Variants in MGAT4C observed in about 807,000 individuals in gnomAD.
MGAT4C encodes alpha-1,3-mannosyl-glycoprotein 4-beta-N-acetylglucosaminyltransferase C.
MGAT4C carries 19 observed loss-of-function variants against 40.1 expected under a neutral mutation model. The observed-to-expected ratio is 0.47, with a 90% CI of 0.33 to 0.70. MGAT4C has a LOEUF of 0.70. Among genes scored for constraint, MGAT4C ranks in the 30% least tolerant of loss-of-function variants. MGAT4C has a pLI of 0.02. For synonymous variants in MGAT4C, 181 were observed against 187.1 expected (o/e 0.97, Z 0.27); for missense variants, 491 against 563.2 (o/e 0.87, Z 1.30).
At chr12:86,571,066 C>T (rs1428345190) in intron 2 of MGAT4C, among the ~76,000 whole-genome samples, 2 of 152,206 alleles carry the variant, frequency 1.3e-5, no homozygotes, top group African/African-American at 2.4e-5. Context: ...CCACCCACCT[C>T]GGCTTCCCAA....
At chr12:86,754,249 T>C (rs955004499) in intron 1 of MGAT4C, among the ~76,000 whole-genome samples, 1 of 152,124 alleles carries the variant, frequency 6.6e-6, no homozygotes, top group Admixed American at 6.6e-5. Context: ...AAAGAGAATG[T>C]ACTTGATAAT....
At chr12:86,320,320 G>C (rs1355357533) in intron 4 of MGAT4C, among the ~76,000 whole-genome samples, 1 of 152,080 alleles carries the variant, frequency 6.6e-6, no homozygotes, top group East Asian at 1.9e-4. Flanking sequence ...ATTTCCAGTA[G>C]GGAAGGTGTT....
In MGAT4C at chr12:86,216,205, G is replaced by A. The variant is rs146350382; in HGVS notation, c.-57+40034C>T. ...AACACAGAATTATGGTAACTAGTGC[G>A]GGGAAGTTTTAACTTAAATGTGTTG... On this transcript the variant is annotated intron_variant, in intron 1 of 4. Transcript: ENST00000611864. 6.0e-3 allele frequency among the ~76,000 whole-genome samples: 913 copies of A among 152,176 alleles called. 6 individuals are homozygous for A. Among genetic ancestry groups the A allele is most frequent in the Non-Finnish European group, 8.3e-3 (562 of 68,010 alleles).
intron 2 of MGAT4C, among the ~76,000 whole-genome samples, chr12:86,527,438 G>T (rs1306390836): frequency 1.3e-5 from 2 of 152,076 alleles, no homozygotes; most frequent in African/African-American, 4.8e-5. Flanking sequence ...AATGCCTACA[G>T]CTTTGTTCTT....
intron 1 of MGAT4C, among the ~76,000 whole-genome samples, chr12:86,094,247 A>T (rs1206473598): frequency 6.6e-6 from 1 of 152,154 alleles, no homozygotes; most frequent in East Asian, 1.9e-4. Context: ...GATCTTGAAG[A>T]TATTGGCCAA....
At chr12:86,824,152 A>G (rs554818873) in intron 1 of MGAT4C, among the ~76,000 whole-genome samples, 32 of 151,496 alleles carry the variant, frequency 2.1e-4, no homozygotes, top group African/African-American at 7.5e-4. Context: ...AGATCATCTC[A>G]GTGGCAGTCA....
chr12:86,655,300 T>C (rs1593084441), intron 2 of MGAT4C, among the ~76,000 whole-genome samples: 1 of 152,120 alleles, frequency 6.6e-6, no homozygotes, highest in East Asian at 1.9e-4. Flanking sequence ...TCTTAATTGC[T>C]TCTTTTCCCT....
chr12:86,753,102 A>G (rs1484956561), intron 1 of MGAT4C, among the ~76,000 whole-genome samples: 2 of 152,166 alleles, frequency 1.3e-5, no homozygotes, highest in African/African-American at 4.8e-5. Flanking sequence ...ATGTTGAGAG[A>G]CTGAAAAGCC....
chr12:86,386,949 T>A (rs1382407242), intron 3 of MGAT4C, among the ~76,000 whole-genome samples: 1 of 152,192 alleles, frequency 6.6e-6, no homozygotes, highest in African/African-American at 2.4e-5. Flanking sequence ...ATAAATTTTC[T>A]CTCAGAAGTC....
chr12:86,237,755 G>A (rs1348704010), intron 1 of MGAT4C, among the ~76,000 whole-genome samples: 1 of 151,802 alleles, frequency 6.6e-6, no homozygotes, highest in African/African-American at 2.4e-5. Flanking sequence ...CATTAGGGAC[G>A]ATAGAAAACA....
Position 86,362,682 on chromosome 12 carries a change from T to C in MGAT4C, c.-119-28555A>G, listed in dbSNP as rs528103863. Among the ~76,000 whole-genome samples, 12 of 151,608 alleles carry C rather than the reference T, an allele frequency of 7.9e-5. No individual in the cohort carries two copies. The South Asian group carries it at 2.5e-3, about 32-fold the overall frequency. ...ATCGAGACCATCCTCGCTAACACAGTGAAACCCTGTCTCTACTAAAAATAC... is the reference window on the plus strand; with the variant it reads ...ATCGAGACCATCCTCGCTAACACAGCGAAACCCTGTCTCTACTAAAAATAC... On this transcript the variant is annotated intron_variant, in intron 3 of 7. Coordinates refer to the MGAT4C transcript ENST00000548651.
intron 1 of MGAT4C, among the ~76,000 whole-genome samples, chr12:86,125,625 T>C (rs1486772938): frequency 6.6e-6 from 1 of 152,296 alleles, no homozygotes; most frequent in Non-Finnish European, 1.5e-5. Flanking sequence ...AAGAATAGTT[T>C]CCTTTCAATG....
At chr12:86,467,589 T>A (rs1313731757) in intron 2 of MGAT4C, among the ~76,000 whole-genome samples, 1 of 152,158 alleles carries the variant, frequency 6.6e-6, no homozygotes, top group Non-Finnish European at 1.5e-5. Flanking sequence ...TAAACATTAT[T>A]GTAAATACAG....
In MGAT4C at chr12:86,285,584, G is replaced by GCAACA. The variant is rs375261103; in HGVS notation, c.-57+48476_-57+48480dup. On this transcript the variant is annotated intron_variant, in intron 4 of 7. Transcript: ENST00000548651. Reference sequence around the variant, plus strand: ...TAATTACTGAAATAGAAATGAGGGAGCAACACATTTGCATATTATTGATGG... The same window carrying GCAACA: ...TAATTACTGAAATAGAAATGAGGGAGCAACACAACACATTTGCATATTATTGATGG... Among the ~76,000 whole-genome samples, 254 of 151,920 alleles carry GCAACA rather than the reference G, an allele frequency of 1.7e-3. 4 individuals carry two copies. The highest frequency in any genetic ancestry group is 5.9e-3 in the African/African-American group (243 of 41,476).
At chr12:85,987,204 T>C (rs1885332851) in intron 3 of MGAT4C, among the ~76,000 whole-genome samples, 1 of 129,446 alleles carries the variant, frequency 7.7e-6, no homozygotes, top group Non-Finnish European at 1.6e-5. Context: ...TGGCGGGATC[T>C]CGGCTCACTG....
At chr12:86,236,768 A>G (rs1480222409) in intron 1 of MGAT4C, among the ~76,000 whole-genome samples, 3 of 152,000 alleles carry the variant, frequency 2.0e-5, no homozygotes, top group Non-Finnish European at 2.9e-5. Flanking sequence ...TAGAAAAAAC[A>G]CAAAAGTTGA....
At chr12:86,808,426 C>G (rs1952405332) in intron 1 of MGAT4C, among the ~76,000 whole-genome samples, 1 of 152,044 alleles carries the variant, frequency 6.6e-6, no homozygotes, top group African/African-American at 2.4e-5. Context: ...AAAAGCTTGT[C>G]CACCACAATC....
intron 2 of MGAT4C, among the ~76,000 whole-genome samples, chr12:85,993,617 T>C (rs1179773809): frequency 6.6e-6 from 1 of 152,094 alleles, no homozygotes; most frequent in Non-Finnish European, 1.5e-5. Context: ...GATGAGTTAA[T>C]CACACAGGTG....
intron 4 of MGAT4C, among the ~76,000 whole-genome samples, chr12:86,275,048 A>G (rs1004814092): frequency 2.6e-5 from 4 of 152,240 alleles, no homozygotes; most frequent in African/African-American, 7.2e-5. Context: ...CAAAAAGTAG[A>G]TAAGGTTGTT....
Sources: gnomAD v4.1 joint callset for allele counts (sites outside exome capture counted in the v4.1 genomes callset) on GRCh38, gnomAD v4.1.1 for gene constraint, MANE v1.5 for transcripts, NCBI Gene and HGNC (gene_info 2026-07-23, HGNC 2026-07-21) for gene names.